The following RBM33 variants were observed in gnomAD, a reference collection of about 807,000 sequenced individuals.
The protein encoded by RBM33 is RNA-binding protein 33.
Under a neutral mutation model 132.6 loss-of-function variants are expected in RBM33, and 28 were observed. The observed-to-expected ratio is 0.21, with a 90% CI of 0.16 to 0.29. The LOEUF (loss-of-function observed/expected upper bound fraction) is 0.29, where lower values mean the gene tolerates loss of function less well. Ranked by LOEUF, RBM33 falls within the 10% of genes least tolerant of loss-of-function variation. RBM33 has a pLI of 1.00. For synonymous variants in RBM33, 634 were observed against 593.0 expected (o/e 1.07, Z -1.01); for missense variants, 1,291 against 1,518.5 (o/e 0.85, Z 2.49).
chr7:155,779,631 T>C lies in RBM33; in HGVS notation c.*4590T>C, dbSNP rs537800303. 2 of 152,356 alleles carry C rather than the reference T, an allele frequency of 1.3e-5. No individual in the cohort carries two copies. Among genetic ancestry groups the C allele is most frequent in the South Asian group, 2.1e-4 (1 of 4,832 alleles). The allele number at this position is 152,356 out of a possible 1,614,324, so 9.4% of individuals were successfully genotyped here. On this transcript the variant is annotated 3_prime_UTR_variant, in exon 18 of 18. Coordinates refer to ENST00000401878, the MANE Select transcript of RBM33 (RefSeq NM_053043.3). ...GTGCATAAGCCCGTGGTTTGTGTAC[T>C]GGAACTAAAGCGGAACTCACTGATT...
chr7:155,711,527 C>T (rs897881581), intron 8 of RBM33, 72 bp downstream of exon 8: 2 of 1,023,982 alleles, frequency 2.0e-6, no homozygotes, highest in African/African-American at 3.4e-5. Flanking sequence ...AGGATTTTTC[C>T]ACTGACGCGT....
At chr7:155,684,634 A>T (rs1799421760) in intron 5 of RBM33, among the ~76,000 whole-genome samples, 1 of 152,176 alleles carries the variant, frequency 6.6e-6, no homozygotes, top group South Asian at 2.1e-4. Flanking sequence ...TGTCTTTTGA[A>T]GGTGGCTCTT....
At chr7:155,743,833 G>A (rs2117035027) in intron 13 of RBM33, among the ~76,000 whole-genome samples, 1 of 152,312 alleles carries the variant, frequency 6.6e-6, no homozygotes. Context: ...CTTGGGTCCT[G>A]TGAATATGTC....
intron 8 of RBM33, among the ~76,000 whole-genome samples, chr7:155,717,513 G>A (rs566796236): frequency 2.6e-5 from 3 of 116,702 alleles, no homozygotes; most frequent in African/African-American, 6.6e-5. Context: ...GGGCTTCAAC[G>A]TATACATTTG....
chr7:155,668,923 G>C (rs1481651887), intron 2 of RBM33, among the ~76,000 whole-genome samples: 1 of 152,110 alleles, frequency 6.6e-6, no homozygotes. Context: ...AGATGTCTTT[G>C]GCAGCTGTCT....
intron 5 of RBM33, chr7:155,685,123 T>G: frequency 1.4e-6 from 2 of 1,476,358 alleles, no homozygotes; most frequent in Non-Finnish European, 1.8e-6. Flanking sequence ...ATGAGCATCT[T>G]TTTAGCATTA....
Position 155,745,033 on chromosome 7 carries a change from A to C in RBM33, c.2410A>C (p.Ile804Leu). Reference protein sequence around the residue: ...IEEQKRLREEILKQKELRRQQ... With the variant: ...IEEQKRLREELLKQKELRRQQ... ...AGAACAGAAACGCCTAAGAGAAGAAATCCTGAAACAGAAGGAGTTACGGCG... is the reference window on the plus strand; with the variant it reads ...AGAACAGAAACGCCTAAGAGAAGAACTCCTGAAACAGAAGGAGTTACGGCG... The change falls in exon 14 of 18, where the codon ATC becomes CTC. Residue 804 changes from isoleucine to leucine, a missense_variant. By Grantham distance (5) the Ile-to-Leu change is conservative (BLOSUM62 2). Transcript: ENST00000401878. The surrounding 1 kb of genome is among the most constrained non-coding windows in gnomAD (Gnocchi z 4.1). 6.2e-7 allele frequency: 1 copy of C among 1,611,406 alleles called. No individual in the cohort carries two copies. Among genetic ancestry groups the C allele is most frequent in the Non-Finnish European group, 8.5e-7 (1 of 1,178,998 alleles).
At chr7:155,656,038 TTGAAAA>T (rs1427805476) in intron 1 of RBM33, among the ~76,000 whole-genome samples, 10 of 152,214 alleles carry the variant, frequency 6.6e-5, no homozygotes, top group Admixed American at 6.5e-4. Flanking sequence ...GGATACATTC[TTGAAAA>T]TGAAGTGAGC....
In RBM33 at chr7:155,742,003, G is replaced by C. The variant is rs750818440; in HGVS notation, c.2234G>C (p.Arg745Pro). 9 of 1,613,862 alleles carry C rather than the reference G, an allele frequency of 5.6e-6. No individual in the cohort carries two copies. Among genetic ancestry groups the C allele is most frequent in the Admixed American group, 1.7e-5 (1 of 59,996 alleles). The stretch of plus-strand genomic sequence containing the variant: ...ATCGTCAGCGCGTCACCACCCTCGC[G>C]GGCCGTGGCGGGTTCCAGAAGCTCA... ...KPIVSASPPS[R>P]AVAGSRSSQG... The change falls in exon 13 of 18, where the codon CGG (arginine) becomes CCG (proline). Residue 745 changes from arginine (R) to proline (P), a missense_variant. Physicochemically the swap from Arg to Pro is moderately radical, Grantham distance 103. This residue lies in a region of RBM33 where 841 missense variants were observed against 912.0 expected (regional missense o/e 0.92). Transcript: ENST00000401878.
At chr7:155,652,170 A>C (rs1458534356) in intron 1 of RBM33, among the ~76,000 whole-genome samples, 4 of 152,228 alleles carry the variant, frequency 2.6e-5, no homozygotes, top group Non-Finnish European at 5.9e-5. Flanking sequence ...CATGAGTGTG[A>C]TATTGAGGAA....
chr7:155,682,329 A>G (rs1799358873), intron 5 of RBM33, among the ~76,000 whole-genome samples: 2 of 152,194 alleles, frequency 1.3e-5, no homozygotes, highest in Admixed American at 6.6e-5. Flanking sequence ...AAAAGGCATC[A>G]TGGGGAACTT....
At chr7:155,713,352 C>T (rs1350313688) in intron 8 of RBM33, among the ~76,000 whole-genome samples, 1 of 151,938 alleles carries the variant, frequency 6.6e-6, no homozygotes, top group African/African-American at 2.4e-5. Context: ...AATGAGAGCC[C>T]TGGAGGAGGG....
chr7:155,673,940 G>GTTTTTTTTTTTTTTT (rs71186053), intron 3 of RBM33, among the ~76,000 whole-genome samples: 22 of 54,190 alleles, frequency 4.1e-4, no homozygotes, highest in East Asian at 1.4e-3. Flanking sequence ...TTTAGGCTTA[G>GTTTTTTTTTTTTTTT]TTTTTTTTTT....
At position 155,738,098 on chromosome 7, in the gene RBM33, G is replaced by C; in HGVS notation, c.1432G>C (p.Glu478Gln). ...AAGATTCCCGAGCCATCTTTTTCTG[G>C]AACAGCGAAGTCCCCCTCCACCACC... ...EPRFPSHLFLEQRSPPPPPPP... is the reference protein window; with the variant it reads ...EPRFPSHLFLQQRSPPPPPPP... Residue 478 changes from glutamate to glutamine, a missense_variant, in exon 11 of 18, where the codon GAA (glutamate) becomes CAA (glutamine). Physicochemically the swap from Glu to Gln is conservative, Grantham distance 29 (BLOSUM62 2). Transcript: ENST00000401878. The C allele has an allele frequency of 6.2e-7, 1 of 1,613,492 alleles. No homozygotes were observed. Among genetic ancestry groups the C allele is most frequent in the Non-Finnish European group, 8.5e-7 (1 of 1,179,702 alleles).
intron 9 of RBM33, among the ~76,000 whole-genome samples, chr7:155,726,620 G>A (rs1275648340): frequency 1.3e-5 from 2 of 152,120 alleles, no homozygotes; most frequent in African/African-American, 4.8e-5. Flanking sequence ...GTTAAGTGAG[G>A]TATTCACAAC....
At chr7:155,674,488 A>G (rs796827600) in intron 3 of RBM33, among the ~76,000 whole-genome samples, 11 of 152,310 alleles carry the variant, frequency 7.2e-5, no homozygotes, top group African/African-American at 2.4e-4. Context: ...ATACTTTGCC[A>G]TGAGGTTGGA....
Position 155,779,282 on chromosome 7 carries a change from T to A in RBM33, c.*4241T>A, listed in dbSNP as rs138367865. 3.9e-5 allele frequency: 6 copies of A among 151,916 alleles called. No homozygotes were observed. The East Asian group carries it at 1.2e-3, about 29-fold the overall frequency. 9.4% of individuals were successfully genotyped at this position (151,916 alleles called of 1,614,324 possible). A position where few individuals can be genotyped will look rare whatever the true frequency, so the allele number is the denominator to read the frequency against. The stretch of plus-strand genomic sequence containing the variant: ...AGGTATTATTGGTTTTTCAAAAAAT[T>A]AGAGGTGACGATTCTACCAGGGAGT... On this transcript the variant is annotated 3_prime_UTR_variant, in exon 18 of 18. Transcript: ENST00000401878.
intron 9 of RBM33, among the ~76,000 whole-genome samples, chr7:155,729,588 T>G (rs1800893233): frequency 6.6e-6 from 1 of 151,900 alleles, no homozygotes; most frequent in Non-Finnish European, 1.5e-5. Context: ...AATTTAAAAA[T>G]TAGCCAGATA....
intron 7 of RBM33, 27 bp from the exon 8 acceptor site, chr7:155,711,176 C>G: frequency 1.1e-5 from 16 of 1,475,348 alleles, no homozygotes; most frequent in Non-Finnish European, 1.4e-5. Context: ...TTTGTAGACT[C>G]ATTCTCCAAG....
Sources: allele counts gnomAD v4.1 joint callset (sites outside exome capture counted in the v4.1 genomes callset), GRCh38; gene constraint gnomAD v4.1.1; regional missense constraint gnomAD v4.1.1; non-coding constraint Gnocchi (gnomAD v3.1); transcripts MANE v1.5; gene names NCBI Gene and HGNC (gene_info 2026-07-23, HGNC 2026-07-21).